The following FMNL3 variants were observed in gnomAD, a reference collection of about 807,000 sequenced individuals.
The protein encoded by FMNL3 is formin-like protein 3.
Under a neutral mutation model 119.6 loss-of-function variants are expected in FMNL3, and 57 were observed. The ratio of observed to expected loss-of-function variants is 0.48; its 90% CI spans 0.39 to 0.59. The LOEUF (loss-of-function observed/expected upper bound fraction) is 0.59. Among genes scored for constraint, FMNL3 ranks in the 20% least tolerant of loss-of-function variants. The pLI is 0.00. For missense variants in FMNL3, 1,053 were observed against 1,323.5 expected (o/e 0.80, Z 3.17); for synonymous variants, 491 against 507.3 (o/e 0.97, Z 0.43).
Position 49,637,345 on chromosome 12 carries a change from C to G in FMNL3, c.*8470G>C. The G allele has an allele frequency of 1.5e-6, 1 of 657,412 alleles. No homozygotes were observed. The highest frequency in any genetic ancestry group is 2.7e-6 in the Non-Finnish European group (1 of 372,514). The allele number at this position is 657,412 out of a possible 1,614,324, so 40.7% of individuals were successfully genotyped here. A position where few individuals can be genotyped will look rare whatever the true frequency, so the allele number is the denominator to read the frequency against. On this transcript the variant is annotated 3_prime_UTR_variant, in exon 26 of 26. Coordinates refer to ENST00000335154, the MANE Select transcript of FMNL3 (RefSeq NM_175736.5). ...TCTGCATCTCTTCATCTCTGCCTCT[C>G]TTGCCTGCATTTCCTCAATCTTGAT...
intron 5 of FMNL3, chr12:49,659,702 C>T (rs1185753553): frequency 3.2e-6 from 3 of 939,736 alleles, no homozygotes; most frequent in Non-Finnish European, 3.8e-6. Context: ...GTGTGAGCCA[C>T]TGCACCCAGC....
Position 49,644,302 on chromosome 12 carries a change from A to C in FMNL3, c.*1513T>G, listed in dbSNP as rs1441205415. ...AGTCTGGTCTGTGTCCACTTTTTCT[A>C]AAGTAACCCCACCCCCAGCACACCA... is the stretch of plus-strand genomic sequence containing the variant. On this transcript the variant is annotated 3_prime_UTR_variant, in exon 26 of 26. Coordinates refer to ENST00000335154, the MANE Select transcript of FMNL3 (RefSeq NM_175736.5). 2.4e-6 allele frequency: 3 copies of C among 1,235,648 alleles called. No homozygotes were observed. Among genetic ancestry groups the C allele is most frequent in the Non-Finnish European group, 2.3e-6 (2 of 862,014 alleles). 76.5% of individuals were successfully genotyped at this position (1,235,648 alleles called of 1,614,324 possible).
intron 1 of FMNL3, among the ~76,000 whole-genome samples, chr12:49,672,991 G>A (rs773193164): frequency 2.6e-5 from 4 of 152,222 alleles, no homozygotes; most frequent in African/African-American, 7.2e-5. Flanking sequence ...AGAAACTGGA[G>A]GCTTTAGGGA....
chr12:49,655,008 G>C (rs1377876451), intron 9 of FMNL3, 24 bp from the exon 10 acceptor site: 1 of 1,610,592 alleles, frequency 6.2e-7, no homozygotes, highest in African/African-American at 1.3e-5. Context: ...CTTTCTCAGT[G>C]AAAGGATCTG....
At position 49,643,004 on chromosome 12, in the gene FMNL3, C is replaced by G; in HGVS notation, c.*2811G>C. On this transcript the variant is annotated 3_prime_UTR_variant, in exon 26 of 26. Coordinates refer to ENST00000335154, the MANE Select transcript of FMNL3 (RefSeq NM_175736.5). ...GCAAGAAGCACCATCACAAGCGTTC[C>G]CACTCACCCTCAGTGAGTAAGCGTG... 6.2e-7 allele frequency: 1 copy of G among 1,613,696 alleles called. No homozygotes were observed. Among genetic ancestry groups the G allele is most frequent in the Non-Finnish European group, 8.5e-7 (1 of 1,179,784 alleles).
intron 1 of FMNL3, among the ~76,000 whole-genome samples, chr12:49,703,186 A>G (rs1316050809): frequency 6.6e-6 from 1 of 152,224 alleles, no homozygotes; most frequent in African/African-American, 2.4e-5. Context: ...GAGAAAAATC[A>G]GAGTACAATC....
chr12:49,693,848 A>G (rs1244509979), intron 1 of FMNL3, among the ~76,000 whole-genome samples: 1 of 151,028 alleles, frequency 6.6e-6, no homozygotes, highest in Non-Finnish European at 1.5e-5. Flanking sequence ...GGGTTTCTCT[A>G]TGTTGGTCAG....
At chr12:49,665,485 C>A (rs1383130216) in intron 4 of FMNL3, among the ~76,000 whole-genome samples, 1 of 152,228 alleles carries the variant, frequency 6.6e-6, no homozygotes, top group Non-Finnish European at 1.5e-5. Flanking sequence ...GTTCTCCCCA[C>A]CCTCAGCCTT....
rs766758338 is a variant in FMNL3, at chr12:49,641,923, G to T, written c.*3892C>A. 6.2e-7 allele frequency: 1 copy of T among 1,613,492 alleles called. No individual in the cohort carries two copies. The highest frequency in any genetic ancestry group is 1.8e-4 in the Middle Eastern group (1 of 5,644). ...GTACCCACAGGACCGGGGCTTCTGC[G>T]TGGAGGTGAACACGGCCTTTGAGGA... On this transcript the variant is annotated 3_prime_UTR_variant, in exon 26 of 26. Coordinates refer to ENST00000335154, the MANE Select transcript of FMNL3 (RefSeq NM_175736.5).
rs773499077 is a variant in FMNL3 at position 49,656,914 on chromosome 12, A to G, written c.715-15T>C. The G allele has an allele frequency of 1.2e-6, 2 of 1,611,352 alleles. No homozygotes were observed. Among genetic ancestry groups the G allele is most frequent in the African/African-American group, 2.7e-5 (2 of 74,858 alleles). On this transcript the variant is annotated splice_polypyrimidine_tract_variant and intron_variant, in intron 7 of 25. Transcript: ENST00000335154. Reference sequence around the variant, plus strand: ...TTGAATCCGTACTGCAAGGGAAAGGACAGAAGGAGGGGACCTTGATGGTGG... The same window carrying G: ...TTGAATCCGTACTGCAAGGGAAAGGGCAGAAGGAGGGGACCTTGATGGTGG...
rs1942962434 is a variant in FMNL3, at chr12:49,643,632, A to G, written c.*2183T>C. 4 of 1,562,944 alleles carry G rather than the reference A, an allele frequency of 2.6e-6. No individual in the cohort carries two copies. Among genetic ancestry groups the G allele is most frequent in the African/African-American group, 1.4e-5 (1 of 72,684 alleles). On this transcript the variant is annotated 3_prime_UTR_variant, in exon 26 of 26. Coordinates refer to ENST00000335154, the MANE Select transcript of FMNL3 (RefSeq NM_175736.5). ...GAAGAATGAACAGAGGGGCTAGAAC[A>G]AAGAAAAAGAGCCTGTCTTTCTCCT... is the stretch of plus-strand genomic sequence containing the variant.
chr12:49,658,564 G>A lies in FMNL3; in HGVS notation c.483C>T (p.Asp161=), dbSNP rs770430327. The change falls in exon 6 of 26, where the codon GAC becomes GAT. Residue 161 remains aspartate (D), a synonymous_variant. Transcript: ENST00000335154. ...MFDFEGLESG[D]DGAFDKLRSW... ...ACCGGAGTTTGTCAAATGCACCATC[G>A]TCACCACTTTCCAGACCCTCAAAGT... 8 of 1,612,202 alleles carry A rather than the reference G, an allele frequency of 5.0e-6. No individual in the cohort carries two copies. The highest frequency in any genetic ancestry group is 1.7e-5 in the Admixed American group (1 of 59,780).
chr12:49,636,882 A>G lies in FMNL3; in HGVS notation c.*8933T>C, dbSNP rs1256323629. 1.9e-6 allele frequency: 3 copies of G among 1,612,390 alleles called. No homozygotes were observed. Among genetic ancestry groups the G allele is most frequent in the Non-Finnish European group, 2.5e-6 (3 of 1,179,872 alleles). ...TGCTGTCCTTTCTAGATCAGAGCTC[A>G]GCTCTGCCCTAGAGCACAACCTCTT... On this transcript the variant is annotated 3_prime_UTR_variant, in exon 26 of 26. Transcript: ENST00000335154.
chr12:49,686,060 C>T (rs1015752209), intron 1 of FMNL3, among the ~76,000 whole-genome samples: 11 of 151,648 alleles, frequency 7.3e-5, no homozygotes, highest in African/African-American at 2.2e-4. Flanking sequence ...GAGCGAGACT[C>T]GGTCTCAAAA....
intron 8 of FMNL3, 77 bp from the exon 9 acceptor site, chr12:49,656,574 A>G (rs1943576855): frequency 1.5e-6 from 2 of 1,365,238 alleles, no homozygotes; most frequent in South Asian, 1.3e-5. Flanking sequence ...CTGACTGGGT[A>G]AGTCCTTTTG....
Position 49,637,365 on chromosome 12 carries a change from C to G in FMNL3, c.*8450G>C, listed in dbSNP as rs1282662383. The G allele has an allele frequency of 9.4e-6, 7 of 741,272 alleles. No homozygotes were observed. The allele number at this position is 741,272 out of a possible 1,614,324, so 45.9% of individuals were successfully genotyped here. On this transcript the variant is annotated 3_prime_UTR_variant, in exon 26 of 26. Transcript: ENST00000335154. ...CCTCTCTTGCCTGCATTTCCTCAAT[C>G]TTGATTGTCCCTGCCTCTTCCTCTG...
Position 49,642,042 on chromosome 12 carries a change from G to A in FMNL3, c.*3773C>T, listed in dbSNP as rs767032476. 5 of 1,610,080 alleles carry A rather than the reference G, an allele frequency of 3.1e-6. No homozygotes were observed. The Admixed American group carries it at 8.3e-5, about 27-fold the overall frequency. On this transcript the variant is annotated 3_prime_UTR_variant, in exon 26 of 26. Transcript: ENST00000335154. The surrounding 1 kb of genome is among the most constrained non-coding windows in gnomAD (Gnocchi z 5.8). The stretch of plus-strand genomic sequence containing the variant: ...TCAATAGTGTGAGGGGCTGGGCGGG[G>A]CGTGGGAAGTTCTCTAATTCATCTG...
In FMNL3 at chr12:49,647,179, G is replaced by A. The variant is rs1252617195; in HGVS notation, c.2871+97C>T. The A allele has an allele frequency of 3.8e-6, 6 of 1,564,174 alleles. No homozygotes were observed. In the South Asian group the frequency reaches 4.5e-5, roughly 12 times the overall value. ...AGCCCACTGGCCCTCTGGGTGGTCT[G>A]TCCACTCCAAGTTTTCATCTCCTCT... On this transcript the variant is annotated intron_variant, in intron 24 of 25. Coordinates refer to ENST00000335154, the MANE Select transcript of FMNL3 (RefSeq NM_175736.5). This position sits in a 1 kb window ranked among gnomAD's most constrained non-coding sequence, Gnocchi z 4.9.
chr12:49,702,781 CT>C (rs544266181), intron 1 of FMNL3, among the ~76,000 whole-genome samples: 32 of 152,290 alleles, frequency 2.1e-4, no homozygotes, highest in African/African-American at 7.7e-4. Flanking sequence ...GTGAAAGGCC[CT>C]TTCCCTGCCC....
Sources: allele counts gnomAD v4.1 joint callset (sites outside exome capture counted in the v4.1 genomes callset), GRCh38; gene constraint gnomAD v4.1.1; non-coding constraint Gnocchi (gnomAD v3.1); transcripts MANE v1.5; gene names NCBI Gene and HGNC (gene_info 2026-07-23, HGNC 2026-07-21).